PCBP2: variants seen among roughly 807,000 people sequenced by gnomAD.
PCBP2 encodes poly(rC) binding protein 2.
PCBP2 carries 4 observed loss-of-function variants against 50.1 expected under a neutral mutation model. The observed-to-expected ratio is 0.08, with a 90% CI of 0.04 to 0.18. PCBP2 has a LOEUF of 0.18. Ranked by LOEUF, PCBP2 falls within the 10% of genes least tolerant of loss-of-function variation. PCBP2 has a pLI of 1.00. For synonymous variants in PCBP2, 179 were observed against 168.0 expected, an observed-to-expected ratio of 1.07 and a Z score of -0.51; for missense variants, 161 against 474.3, an observed-to-expected ratio of 0.34 and a Z score of 6.14.
intron 8 of PCBP2, chr12:53,464,500 C>T (rs916980168): frequency 4.7e-6 from 2 of 427,152 alleles, no homozygotes; most frequent in Non-Finnish European, 8.3e-6. Flanking sequence ...CTTAATCCCA[C>T]ACTGACCAGG....
At chr12:53,476,919 T>A (rs1465730840) in intron 14 of PCBP2, among the ~76,000 whole-genome samples, 4 of 152,202 alleles carry the variant, frequency 2.6e-5, no homozygotes, top group Admixed American at 2.6e-4. Context: ...TGGTTTTATC[T>A]AGTTCTTGAT....
rs1013895970 is a variant in PCBP2, at chr12:53,479,942, T to C, written c.*500T>C. On this transcript the variant is annotated 3_prime_UTR_variant, in exon 15 of 15. Transcript: ENST00000546463. ...AAGCCTTTATTCCGGTTAAGATGTTTTCTTCTATTTTACCACTTCCATCTT... is the reference window on the plus strand; with the variant it reads ...AAGCCTTTATTCCGGTTAAGATGTTCTCTTCTATTTTACCACTTCCATCTT... The C allele has an allele frequency of 1.3e-5, 2 of 152,244 alleles. No homozygotes were observed. The highest frequency in any genetic ancestry group is 1.3e-4 in the Admixed American group (2 of 15,264). 9.4% of individuals were successfully genotyped at this position (152,244 alleles called of 1,614,324 possible).
chr12:53,452,468 C>T (rs1029434246), intron 1 of PCBP2, 92 bp downstream of exon 1: 3 of 151,164 alleles, frequency 2.0e-5, no homozygotes, highest in African/African-American at 7.3e-5. Flanking sequence ...AGTCACGAGC[C>T]GCGGTCTCGC....
At chr12:53,455,127 T>C (rs1026529575) in intron 2 of PCBP2, among the ~76,000 whole-genome samples, 1 of 152,214 alleles carries the variant, frequency 6.6e-6, no homozygotes, top group African/African-American at 2.4e-5. Context: ...CTCATGGTGA[T>C]TGCTTATAGC....
Position 53,455,447 on chromosome 12 carries a change from C to T in PCBP2, c.94-14C>T, listed in dbSNP as rs368896882. The T allele has an allele frequency of 2.5e-6, 4 of 1,614,064 alleles. No homozygotes were observed. The highest frequency in any genetic ancestry group is 1.3e-5 in the African/African-American group (1 of 75,022). On this transcript the variant is annotated splice_polypyrimidine_tract_variant and intron_variant, in intron 3 of 14. Coordinates refer to ENST00000546463, the MANE Select transcript of PCBP2 (RefSeq NM_031989.5). ...AGTAGCAGTTGGAGCTCATGCTTGA[C>T]TTTTCCTTTACAGAAAGGAGAATCA... is the stretch of plus-strand genomic sequence containing the variant.
intron 13 of PCBP2, 24 bp from the exon 14 acceptor site, chr12:53,471,614 C>T (rs752585024): frequency 1.3e-5 from 20 of 1,596,806 alleles, no homozygotes; most frequent in Middle Eastern, 1.7e-4. Context: ...ATTCGGTGTG[C>T]CTTGTTTTTC....
At chr12:53,473,400 A>G (rs1175672887) in intron 14 of PCBP2, among the ~76,000 whole-genome samples, 1 of 152,160 alleles carries the variant, frequency 6.6e-6, no homozygotes, top group Non-Finnish European at 1.5e-5. Context: ...CTTATTTGTA[A>G]TTAGGATTTT....
chr12:53,457,913 C>G (rs1479766640), intron 5 of PCBP2, among the ~76,000 whole-genome samples: 1 of 152,070 alleles, frequency 6.6e-6, no homozygotes, highest in East Asian at 1.9e-4. Context: ...TCAATACAGT[C>G]AAATCTATAG....
intron 1 of PCBP2, chr12:53,452,885 T>C (rs1940672902): frequency 6.6e-6 from 1 of 151,488 alleles, no homozygotes; most frequent in South Asian, 2.1e-4. Context: ...AAGTGGAAAA[T>C]GCTTGGATAA....
At chr12:53,461,260 G>A in intron 7 of PCBP2, 117 bp downstream of exon 7, 9 of 1,114,126 alleles carry the variant, frequency 8.1e-6, no homozygotes, top group Non-Finnish European at 1.1e-5. Context: ...CAGTGGGGGT[G>A]GGGCTAAAAG....
intron 14 of PCBP2, among the ~76,000 whole-genome samples, chr12:53,473,902 T>C (rs574383487): frequency 3.3e-4 from 51 of 152,262 alleles, no homozygotes; most frequent in Non-Finnish European, 8.8e-5. Context: ...ATCCCTTTCC[T>C]TTATGGATTG....
intron 6 of PCBP2, chr12:53,459,740 T>C (rs924508759): frequency 1.7e-5 from 5 of 297,694 alleles, no homozygotes; most frequent in Admixed American, 4.3e-5. Context: ...ACGGTTTTTC[T>C]ATTTTTTAAT....
Position 53,476,397 on chromosome 12 carries a change from A to G in PCBP2, c.1053-3009A>G, listed in dbSNP as rs1193338329. Reference sequence around the variant, plus strand: ...GTGACTAGCCAGGACTAACAACTTAAGCTTTACTTTTACTCAATCGTACTA... The same window carrying G: ...GTGACTAGCCAGGACTAACAACTTAGGCTTTACTTTTACTCAATCGTACTA... On this transcript the variant is annotated intron_variant, in intron 14 of 14. Transcript: ENST00000546463. 7.2e-5 allele frequency among the ~76,000 whole-genome samples: 11 copies of G among 152,324 alleles called. No homozygotes were observed. In the East Asian group the frequency reaches 9.6e-4, roughly 13 times the overall value.
chr12:53,453,283 G>A (rs1472970279), intron 1 of PCBP2: 2 of 151,434 alleles, frequency 1.3e-5, no homozygotes, highest in African/African-American at 2.4e-5. Flanking sequence ...TCTGCAAGAG[G>A]GTAAGGAATT....
intron 14 of PCBP2, among the ~76,000 whole-genome samples, chr12:53,478,093 A>G (rs1942759511): frequency 6.6e-6 from 1 of 152,250 alleles, no homozygotes; most frequent in Non-Finnish European, 1.5e-5. Flanking sequence ...ACAGAAAGGC[A>G]TTGTAGCCAG....
rs1247120416 is a variant in PCBP2 at position 53,480,287 on chromosome 12, A to G, written c.*845A>G. 5 of 152,172 alleles carry G rather than the reference A, an allele frequency of 3.3e-5. No homozygotes were observed. Among genetic ancestry groups the G allele is most frequent in the Non-Finnish European group, 7.3e-5 (5 of 68,032 alleles). The allele number at this position is 152,172 out of a possible 1,614,324, so 9.4% of individuals were successfully genotyped here. ...ACTTCATTTATAGTCCTCCATAACA[A>G]GTTAGAAGGATGTATCTGCTACCAT... On this transcript the variant is annotated 3_prime_UTR_variant, in exon 15 of 15. Transcript: ENST00000546463.
At chr12:53,460,301 G>A (rs181572184) in intron 6 of PCBP2, 3 of 309,584 alleles carry the variant, frequency 9.7e-6, no homozygotes, top group South Asian at 2.4e-5. Flanking sequence ...CACAATGCCC[G>A]GCTAATTTTT....
intron 6 of PCBP2, chr12:53,460,813 C>G (rs929808169): frequency 2.1e-6 from 1 of 484,666 alleles, no homozygotes; most frequent in Non-Finnish European, 3.7e-6. Flanking sequence ...TTATTCTTGT[C>G]TTTCAGTGGC....
intron 8 of PCBP2, 135 bp from the exon 9 acceptor site, chr12:53,464,625 G>GT: frequency 8.1e-7 from 1 of 1,232,150 alleles, no homozygotes; most frequent in Non-Finnish European, 1.1e-6. Context: ...ATTACAGCTC[G>GT]TTTCAAATTG....
Sources: gnomAD v4.1 joint callset for allele counts (sites outside exome capture counted in the v4.1 genomes callset) on GRCh38, gnomAD v4.1.1 for gene constraint, MANE v1.5 for transcripts, NCBI Gene and HGNC (gene_info 2026-07-23, HGNC 2026-07-21) for gene names.